Variants in TRIM44 observed in about 807,000 individuals in gnomAD.
TRIM44 encodes the protein tripartite motif-containing protein 44.
Under a neutral mutation model 37.4 loss-of-function variants are expected in TRIM44, and 13 were observed. That is an observed-to-expected ratio of 0.35 (90% CI 0.23 to 0.55). The LOEUF (loss-of-function observed/expected upper bound fraction) is 0.55, where lower values mean the gene tolerates loss of function less well. TRIM44 is among the 20% of genes least tolerant of loss of function. The probability of loss-of-function intolerance (pLI) is 0.89; values close to 1 mark genes in which losing one functional copy is unlikely to be tolerated. For synonymous variants in TRIM44, 175 were observed against 157.2 expected (o/e 1.11, Z -0.85); for missense variants, 426 against 437.2 (o/e 0.97, Z 0.23).
chr11:35,761,405 C>CTCTG (rs1554935237), intron 4 of TRIM44, among the ~76,000 whole-genome samples: 7 of 150,392 alleles, frequency 4.7e-5, no homozygotes, highest in African/African-American at 1.7e-4. Flanking sequence ...CTCTCTCTCT[C>CTCTG]TATATATATA....
At position 35,778,033 on chromosome 11, in the gene TRIM44, T is replaced by G. The variant is rs1002689642; in HGVS notation, c.1008-28325T>G. Among the ~76,000 whole-genome samples the G allele has an allele frequency of 3.3e-5, 5 of 152,354 alleles. No individual in the cohort carries two copies. The South Asian group carries it at 1.0e-3, about 32-fold the overall frequency. ...GCTAGGCTGGGGAAGTTCTCCTGGA[T>G]AAAATCCTGAAGAGTGTTTTCCAAC... On this transcript the variant is annotated intron_variant, in intron 4 of 4. Transcript: ENST00000299413.
intron 1 of TRIM44, among the ~76,000 whole-genome samples, chr11:35,666,607 A>G (rs1851335006): frequency 6.6e-6 from 1 of 152,124 alleles, no homozygotes. Context: ...ATAATATTGT[A>G]GAAAATATGA....
chr11:35,675,861 T>C (rs551766333), intron 1 of TRIM44, among the ~76,000 whole-genome samples: 22 of 152,118 alleles, frequency 1.4e-4, no homozygotes, highest in East Asian at 1.2e-3. Flanking sequence ...CGAGAAGTTA[T>C]ATACATTGCT....
intron 2 of TRIM44, among the ~76,000 whole-genome samples, chr11:35,702,320 G>A (rs1324190958): frequency 6.6e-6 from 1 of 152,164 alleles, no homozygotes; most frequent in African/African-American, 2.4e-5. Flanking sequence ...GGGTGTGGGC[G>A]GCCCGTGCGC....
At chr11:35,728,585 G>A (rs930555259) in intron 3 of TRIM44, among the ~76,000 whole-genome samples, 2 of 152,152 alleles carry the variant, frequency 1.3e-5, no homozygotes, top group African/African-American at 4.8e-5. Context: ...ATAGCCTCTT[G>A]TTCCAGTTAA....
chr11:35,749,066 CA>C (rs910360849), intron 4 of TRIM44, among the ~76,000 whole-genome samples: 18 of 152,208 alleles, frequency 1.2e-4, no homozygotes, highest in Admixed American at 9.8e-4. Context: ...GAGACAGAAA[CA>C]GATATTTTAC....
At chr11:35,695,763 T>G (rs1210546170) in intron 2 of TRIM44, among the ~76,000 whole-genome samples, 1 of 152,080 alleles carries the variant, frequency 6.6e-6, no homozygotes, top group African/African-American at 2.4e-5. Flanking sequence ...CTACAATAAC[T>G]TAACATAATA....
chr11:35,672,477 G>A (rs574333179), intron 1 of TRIM44, among the ~76,000 whole-genome samples: 60 of 152,328 alleles, frequency 3.9e-4, no homozygotes, highest in Admixed American at 1.1e-3. Flanking sequence ...GCAGAATTCA[G>A]TAAATATATA....
rs548398184 is a variant in TRIM44 at position 35,755,125 on chromosome 11, T to A, written c.1007+19680T>A. Among the ~76,000 whole-genome samples, 281 of 152,308 alleles carry A rather than the reference T, an allele frequency of 1.8e-3. 2 individuals are homozygous for A. Among genetic ancestry groups the A allele is most frequent in the African/African-American group, 6.5e-3 (270 of 41,572 alleles). On this transcript the variant is annotated intron_variant, in intron 4 of 4. Coordinates refer to ENST00000299413, the MANE Select transcript of TRIM44 (RefSeq NM_017583.6). ...GACTAGTTTACACTCCCACCAACAG[T>A]GTAAAAGTGTTCCTATTTCTCCACA...
chr11:35,803,201 G>A (rs1335238130), intron 4 of TRIM44, among the ~76,000 whole-genome samples: 1 of 151,330 alleles, frequency 6.6e-6, no homozygotes, highest in Non-Finnish European at 1.5e-5. Context: ...AAGTAATTAT[G>A]TAATGCTGCC....
Position 35,808,081 on chromosome 11 carries a change from T to G in TRIM44, c.*1696T>G, listed in dbSNP as rs1853477934. On this transcript the variant is annotated 3_prime_UTR_variant, in exon 5 of 5. Coordinates refer to ENST00000299413, the MANE Select transcript of TRIM44 (RefSeq NM_017583.6). ...CTATTTATATTATTTTTCAGTCCTG[T>G]GAATGCTGTGAAAAGATTTATTCCT... 6.6e-6 allele frequency: 1 copy of G among 151,908 alleles called. No homozygotes were observed. The allele number at this position is 151,908 out of a possible 1,614,324, so 9.4% of individuals were successfully genotyped here.
At chr11:35,683,376 C>CT (rs1337701069) in intron 1 of TRIM44, among the ~76,000 whole-genome samples, 2 of 152,098 alleles carry the variant, frequency 1.3e-5, no homozygotes, top group African/African-American at 4.8e-5. Flanking sequence ...CATGTTGTGT[C>CT]TGATTTTTAC....
chr11:35,785,109 T>C (rs1021170016), intron 4 of TRIM44, among the ~76,000 whole-genome samples: 7 of 152,240 alleles, frequency 4.6e-5, no homozygotes, highest in Non-Finnish European at 1.0e-4. Context: ...CAGGAAATTC[T>C]ATAGAACCAA....
chr11:35,674,593 G>C (rs1324755485), intron 1 of TRIM44, among the ~76,000 whole-genome samples: 1 of 152,130 alleles, frequency 6.6e-6, no homozygotes, highest in Non-Finnish European at 1.5e-5. Context: ...TCAATAAGAA[G>C]ATTAGCAAAT....
chr11:35,663,685 G>C lies in TRIM44; in HGVS notation c.574G>C (p.Glu192Gln), dbSNP rs764038716. ...HGLDLSTYCQ[E>Q]DRQLICVLCP... Reference sequence around the variant, plus strand: ...GCTTGATTTGAGTACCTATTGCCAGGAAGATAGGCAGCTCATCTGTGTCCT... The same window carrying C: ...GCTTGATTTGAGTACCTATTGCCAGCAAGATAGGCAGCTCATCTGTGTCCT... The change falls in exon 1 of 5, where the codon GAA becomes CAA. Residue 192 changes from glutamate (E) to glutamine (Q), a missense_variant. By Grantham distance (29) the Glu-to-Gln change is conservative (BLOSUM62 2). Coordinates refer to ENST00000299413, the MANE Select transcript of TRIM44 (RefSeq NM_017583.6). 1 of 1,614,162 alleles carries C rather than the reference G, an allele frequency of 6.2e-7. No homozygotes were observed. Among genetic ancestry groups the C allele is most frequent in the Non-Finnish European group, 8.5e-7 (1 of 1,180,036 alleles).
chr11:35,773,098 C>T lies in TRIM44; in HGVS notation c.1008-33260C>T, dbSNP rs534312453. Among the ~76,000 whole-genome samples the T allele has an allele frequency of 2.2e-4, 33 of 152,240 alleles. No individual in the cohort carries two copies. The South Asian group carries it at 5.8e-3, about 27-fold the overall frequency. ...ATCTGATGGTTTTATCAGGGGTTTCCGCTTTGGCATCTTCCTCATTTTCTC... is the reference window on the plus strand; with the variant it reads ...ATCTGATGGTTTTATCAGGGGTTTCTGCTTTGGCATCTTCCTCATTTTCTC... On this transcript the variant is annotated intron_variant, in intron 4 of 4. Coordinates refer to ENST00000299413, the MANE Select transcript of TRIM44 (RefSeq NM_017583.6).
intron 2 of TRIM44, among the ~76,000 whole-genome samples, chr11:35,691,465 T>A (rs1351347378): frequency 6.6e-6 from 1 of 152,202 alleles, no homozygotes; most frequent in Non-Finnish European, 1.5e-5. Context: ...CCATTATAAG[T>A]TGAAAATATT....
In TRIM44 at chr11:35,679,453, A is replaced by G. The variant is rs764366061; in HGVS notation, c.670-5806A>G. ...AGGCACCCCAATTTTCATGGTGTTC[A>G]AACACAAGGAACATTAGAGGTAGAA... On this transcript the variant is annotated intron_variant, in intron 1 of 4. Transcript: ENST00000299413. Among the ~76,000 whole-genome samples, 66 of 152,220 alleles carry G rather than the reference A, an allele frequency of 4.3e-4. 1 individual carries two copies. The highest frequency in any genetic ancestry group is 1.2e-4 in the Non-Finnish European group (8 of 68,038).
chr11:35,701,018 AT>A (rs930179427), intron 2 of TRIM44, among the ~76,000 whole-genome samples: 2 of 151,882 alleles, frequency 1.3e-5, no homozygotes, highest in South Asian at 4.2e-4. Flanking sequence ...CCAGTTTTGA[AT>A]TTTTTTTTAA....
Sources: gnomAD v4.1 joint callset for allele counts (sites outside exome capture counted in the v4.1 genomes callset) on GRCh38, gnomAD v4.1.1 for gene constraint, MANE v1.5 for transcripts, NCBI Gene and HGNC (gene_info 2026-07-23, HGNC 2026-07-21) for gene names.